Variants in ITPR2 observed in about 807,000 individuals in gnomAD.
ITPR2 encodes the protein inositol 1,4,5-trisphosphate receptor type 2.
A neutral mutation model predicts 317.1 loss-of-function variants in ITPR2; 207 were observed. The ratio of observed to expected loss-of-function variants is 0.65; its 90% CI spans 0.58 to 0.73. The LOEUF (loss-of-function observed/expected upper bound fraction) is 0.73, where lower values mean the gene tolerates loss of function less well. Ranked by LOEUF, ITPR2 falls within the 30% of genes least tolerant of loss-of-function variation. The pLI is 0.00. For missense variants in ITPR2, 2,613 were observed against 3,284.0 expected (o/e 0.80, Z 4.99); for synonymous variants, 1,156 against 1,149.1 (o/e 1.01, Z -0.12).
chr12:26,474,522 G>C (rs1015036923), intron 45 of ITPR2, among the ~76,000 whole-genome samples: 1 of 152,086 alleles, frequency 6.6e-6, no homozygotes, highest in Non-Finnish European at 1.5e-5. Context: ...GGCCGGGCGC[G>C]GTGGCTCACG....
chr12:26,611,707 C>T (rs1359616193), intron 26 of ITPR2, among the ~76,000 whole-genome samples: 3 of 152,174 alleles, frequency 2.0e-5, no homozygotes, highest in African/African-American at 7.2e-5. Flanking sequence ...GAGGAACTTT[C>T]CTCTGAAGCA....
At chr12:26,560,550 ACCTAAGAG>A (rs1236321264) in intron 35 of ITPR2, among the ~76,000 whole-genome samples, 1 of 152,008 alleles carries the variant, frequency 6.6e-6, no homozygotes, top group Non-Finnish European at 1.5e-5. Context: ...CTCTACTTCC[ACCTAAGAG>A]CCCCAGGTCT....
chr12:26,607,913 T>C (rs1385433606), intron 26 of ITPR2, among the ~76,000 whole-genome samples: 3 of 151,962 alleles, frequency 2.0e-5, no homozygotes, highest in African/African-American at 7.3e-5. Context: ...ACCCTGTCTC[T>C]ACTAAAAAAA....
chr12:26,817,203 G>A (rs6487573), intron 1 of ITPR2, among the ~76,000 whole-genome samples: 64,394 of 129,584 alleles, frequency 0.5, 17,240 homozygotes, highest in African/African-American at 0.65. Context: ...AAAAAAAAAA[G>A]GGCAGTACGA....
At position 26,700,333 on chromosome 12, in the gene ITPR2, C is replaced by T. The variant is rs546222438; in HGVS notation, c.952-4683G>A. The stretch of plus-strand genomic sequence containing the variant: ...GGCAGCAAGGCTGGAGGGGCCACTG[C>T]CACATGGGTGAGAAAAATGAGACTT... On this transcript the variant is annotated intron_variant, in intron 9 of 56. Transcript: ENST00000381340. Among the ~76,000 whole-genome samples, 50 of 152,292 alleles carry T rather than the reference C, an allele frequency of 3.3e-4. 1 individual carries two copies. Among genetic ancestry groups the T allele is most frequent in the Admixed American group, 2.7e-3 (42 of 15,288 alleles).
At chr12:26,782,029 T>G (rs1476177720) in intron 2 of ITPR2, among the ~76,000 whole-genome samples, 1,154 of 23,882 alleles carry the variant, frequency 0.048, 22 homozygotes, top group East Asian at 0.095. Context: ...TATATATATA[T>G]ATATGTATAG....
chr12:26,511,067 T>G (rs1337171813), intron 37 of ITPR2, among the ~76,000 whole-genome samples: 1 of 152,246 alleles, frequency 6.6e-6, no homozygotes, highest in Non-Finnish European at 1.5e-5. Flanking sequence ...TCATCTTGAC[T>G]TCCCCAAATT....
intron 37 of ITPR2, among the ~76,000 whole-genome samples, chr12:26,548,695 A>C (rs1591885953): frequency 1.3e-5 from 2 of 152,036 alleles, no homozygotes; most frequent in South Asian, 4.2e-4. Context: ...ATAAATGGGG[A>C]CCCTTGGAGT....
intron 13 of ITPR2, among the ~76,000 whole-genome samples, chr12:26,668,054 G>T (rs960376203): frequency 1.3e-5 from 2 of 152,034 alleles, no homozygotes; most frequent in Non-Finnish European, 2.9e-5. Flanking sequence ...CCCCTTTGTG[G>T]CAAAACAAAA....
intron 21 of ITPR2, among the ~76,000 whole-genome samples, chr12:26,646,836 T>C (rs757606719): frequency 3.8e-4 from 58 of 152,162 alleles, no homozygotes; most frequent in Non-Finnish European, 7.1e-4. Context: ...TCATAACATA[T>C]ATACCAACAA....
intron 1 of ITPR2, among the ~76,000 whole-genome samples, chr12:26,803,101 T>C (rs1381400573): frequency 6.6e-6 from 1 of 152,210 alleles, no homozygotes; most frequent in Non-Finnish European, 1.5e-5. Context: ...AAAACTATTA[T>C]TATCTTGGCT....
At chr12:26,400,790 G>C (rs776768731) in intron 52 of ITPR2, 2 of 152,396 alleles carry the variant, frequency 1.3e-5, no homozygotes, top group South Asian at 2.1e-4. Flanking sequence ...GCAGGGGAGA[G>C]AGCGTGAACA....
chr12:26,602,640 T>C lies in ITPR2; in HGVS notation c.3529A>G (p.Asn1177Asp), dbSNP rs1237034250. The C allele has an allele frequency of 1.2e-6, 2 of 1,611,160 alleles. No homozygotes were observed. The highest frequency in any genetic ancestry group is 1.7e-6 in the Non-Finnish European group (2 of 1,177,862). The change falls in exon 27 of 57, where the codon AAT (asparagine) becomes GAT (aspartate). Residue 1177 changes from asparagine (N) to aspartate (D), a missense_variant. Asn to Asp is a conservative substitution (Grantham distance 23). Coordinates refer to ENST00000381340, the MANE Select transcript of ITPR2 (RefSeq NM_002223.4). ...KKPQIDSNKS[N>D]NYRIVKEILI... Reference sequence around the variant, plus strand: ...ACCTCCTTTACAATCCGGTAGTTATTGCTCTTGTTGCTGTCAATCTGAGGT... The same window carrying C: ...ACCTCCTTTACAATCCGGTAGTTATCGCTCTTGTTGCTGTCAATCTGAGGT...
chr12:26,770,242 C>A (rs960877008), intron 2 of ITPR2, among the ~76,000 whole-genome samples: 1 of 152,134 alleles, frequency 6.6e-6, no homozygotes, highest in Non-Finnish European at 1.5e-5. Flanking sequence ...ACACAGGCAG[C>A]CTTAGAGGTG....
intron 55 of ITPR2, among the ~76,000 whole-genome samples, chr12:26,344,436 A>G (rs890628187): frequency 2.0e-5 from 3 of 152,230 alleles, no homozygotes; most frequent in African/African-American, 7.2e-5. Flanking sequence ...AAAGGTTCCA[A>G]AAGAAACAGA....
intron 1 of ITPR2, among the ~76,000 whole-genome samples, chr12:26,818,110 TGTG>T (rs953021139): frequency 6.6e-6 from 1 of 152,252 alleles, no homozygotes; most frequent in African/African-American, 2.4e-5. Context: ...AACTAAATAA[TGTG>T]GTTATTGTTT....
At chr12:26,715,474 C>A in intron 7 of ITPR2, 29 bp from the exon 8 acceptor site, 8 of 1,595,490 alleles carry the variant, frequency 5.0e-6, no homozygotes, top group Non-Finnish European at 5.1e-6. Context: ...GACATCTGAA[C>A]AAACAGATGT....
chr12:26,458,975 A>T (rs1941952508), intron 45 of ITPR2, among the ~76,000 whole-genome samples: 1 of 152,232 alleles, frequency 6.6e-6, no homozygotes, highest in Non-Finnish European at 1.5e-5. Flanking sequence ...ACTACAAAGC[A>T]CCGCACAGAG....
chr12:26,587,465 C>T (rs1945560082), intron 32 of ITPR2, among the ~76,000 whole-genome samples: 2 of 152,076 alleles, frequency 1.3e-5, no homozygotes, highest in South Asian at 4.1e-4. Flanking sequence ...TATGCAGATA[C>T]AGGGAAGTCC....
Sources: gnomAD v4.1 joint callset for allele counts (sites outside exome capture counted in the v4.1 genomes callset) on GRCh38, gnomAD v4.1.1 for gene constraint, MANE v1.5 for transcripts, NCBI Gene and HGNC (gene_info 2026-07-23, HGNC 2026-07-21) for gene names.